Variants in RNF180 observed in about 807,000 individuals in gnomAD.
RNF180 encodes the protein ring finger protein 180.
RNF180 carries 38 observed loss-of-function variants against 59.2 expected under a neutral mutation model. That is an observed-to-expected ratio of 0.64 (90% confidence interval 0.50 to 0.84). RNF180 has a LOEUF of 0.84. RNF180 is among the 40% of genes least tolerant of loss of function. The pLI, the probability that RNF180 is intolerant of heterozygous loss-of-function variation, is 0.00. For missense variants in RNF180, 705 were observed against 700.9 expected, an observed-to-expected ratio of 1.01 and a Z score of -0.07; for synonymous variants, 262 against 240.3, an observed-to-expected ratio of 1.09 and a Z score of -0.84.
chr5:64,345,715 C>T (rs372787343), intron 7 of RNF180, among the ~76,000 whole-genome samples: 1 of 152,238 alleles, frequency 6.6e-6, no homozygotes, highest in East Asian at 1.9e-4. Flanking sequence ...ACATTATAAA[C>T]AATTTGCTGT....
intron 7 of RNF180, among the ~76,000 whole-genome samples, chr5:64,336,247 T>G (rs983065941): frequency 2.6e-5 from 4 of 152,330 alleles, no homozygotes; most frequent in Non-Finnish European, 4.4e-5. Context: ...ATTTTTAATT[T>G]GTGAAAATGG....
intron 7 of RNF180, among the ~76,000 whole-genome samples, chr5:64,367,376 T>C (rs1285594306): frequency 1.3e-5 from 2 of 151,612 alleles, no homozygotes; most frequent in Non-Finnish European, 3.0e-5. Context: ...ATATACTCCA[T>C]TAAAATGTAC....
At chr5:64,317,567 C>CATATATATAA in intron 5 of RNF180, among the ~76,000 whole-genome samples, 1 of 145,962 alleles carries the variant, frequency 6.9e-6, no homozygotes, top group African/African-American at 2.6e-5. Context: ...TATACACATA[C>CATATATATAA]ATATATATAC....
chr5:64,327,566 C>T (rs927127716), intron 6 of RNF180, among the ~76,000 whole-genome samples: 3 of 152,124 alleles, frequency 2.0e-5, no homozygotes, highest in Non-Finnish European at 4.4e-5. Context: ...TGTTCAATGT[C>T]CACATATTTG....
intron 5 of RNF180, among the ~76,000 whole-genome samples, chr5:64,311,732 G>A (rs150808951): frequency 1.1e-3 from 164 of 151,920 alleles, no homozygotes; most frequent in African/African-American, 3.7e-3. Context: ...CTTCAGTATC[G>A]ATTCCTACCA....
intron 5 of RNF180, among the ~76,000 whole-genome samples, chr5:64,234,078 C>G (rs1447520819): frequency 6.6e-6 from 1 of 152,218 alleles, no homozygotes; most frequent in Non-Finnish European, 1.5e-5. Context: ...GTGCAACATG[C>G]TTAATTCAGC....
In RNF180 at chr5:64,216,050, T is replaced by C. The variant is rs1410058409; in HGVS notation, c.1192-1311T>C. 2.0e-5 allele frequency among the ~76,000 whole-genome samples: 3 copies of C among 152,088 alleles called. No individual in the cohort carries two copies. In the East Asian group the frequency reaches 5.8e-4, roughly 29 times the overall value. ...TTCACATACATATGATATAGCTTAATTGATCAGAATTAATGAGTCTTAGAC... is the reference window on the plus strand; with the variant it reads ...TTCACATACATATGATATAGCTTAACTGATCAGAATTAATGAGTCTTAGAC... On this transcript the variant is annotated intron_variant, in intron 4 of 7. Coordinates refer to ENST00000389100, the MANE Select transcript of RNF180 (RefSeq NM_001113561.2).
At chr5:64,276,608 G>A (rs1201787635) in intron 5 of RNF180, among the ~76,000 whole-genome samples, 1 of 151,710 alleles carries the variant, frequency 6.6e-6, no homozygotes, top group African/African-American at 2.4e-5. Flanking sequence ...TTGTTATGGA[G>A]CCATGTTCTC....
intron 5 of RNF180, among the ~76,000 whole-genome samples, chr5:64,273,774 A>G (rs1337846635): frequency 5.9e-5 from 9 of 151,994 alleles, no homozygotes; most frequent in Non-Finnish European, 1.3e-4. Flanking sequence ...CACAAGACTA[A>G]GAAAATTTTA....
chr5:64,273,872 CAT>C (rs996692636), intron 5 of RNF180, among the ~76,000 whole-genome samples: 45 of 151,932 alleles, frequency 3.0e-4, no homozygotes, highest in African/African-American at 9.7e-4. Flanking sequence ...TCAAAAGAGT[CAT>C]ATCAGAGAGC....
At chr5:64,176,691 T>C (rs1173729672) in intron 1 of RNF180, among the ~76,000 whole-genome samples, 1 of 152,228 alleles carries the variant, frequency 6.6e-6, no homozygotes, top group Non-Finnish European at 1.5e-5. Context: ...ATTGTCCTTA[T>C]GTTTTATAAT....
At chr5:64,229,861 A>G (rs1157746585) in intron 5 of RNF180, among the ~76,000 whole-genome samples, 2 of 152,230 alleles carry the variant, frequency 1.3e-5, no homozygotes, top group African/African-American at 4.8e-5. Context: ...TGAGCCATTC[A>G]TATACATTGA....
At chr5:64,250,978 A>C (rs974145105) in intron 5 of RNF180, among the ~76,000 whole-genome samples, 4 of 152,214 alleles carry the variant, frequency 2.6e-5, no homozygotes, top group African/African-American at 9.6e-5. Flanking sequence ...TAGCAAACTG[A>C]AGTCAACATC....
chr5:64,169,335 A>G (rs916007207), intron 1 of RNF180, among the ~76,000 whole-genome samples: 6 of 152,234 alleles, frequency 3.9e-5, no homozygotes, highest in Admixed American at 2.0e-4. Context: ...CTCAGTTACT[A>G]TCATTCTGGG....
chr5:64,187,859 G>A (rs1235266377), intron 1 of RNF180, among the ~76,000 whole-genome samples: 1 of 152,166 alleles, frequency 6.6e-6, no homozygotes, highest in Non-Finnish European at 1.5e-5. Flanking sequence ...AATACTTTTT[G>A]TGTCCTAAGG....
At chr5:64,220,180 A>G (rs755410563) in intron 5 of RNF180, among the ~76,000 whole-genome samples, 40 of 151,922 alleles carry the variant, frequency 2.6e-4, no homozygotes, top group Non-Finnish European at 5.6e-4. Context: ...TTTAGGTTTC[A>G]ATTGTTTTTA....
intron 5 of RNF180, among the ~76,000 whole-genome samples, chr5:64,257,409 T>C (rs1014666354): frequency 2.0e-5 from 3 of 152,196 alleles, no homozygotes; most frequent in Admixed American, 6.6e-5. Context: ...GTTTTTAGCA[T>C]GAACGGCTGT....
intron 7 of RNF180, among the ~76,000 whole-genome samples, chr5:64,342,884 A>T (rs1257455420): frequency 1.3e-5 from 2 of 152,172 alleles, no homozygotes; most frequent in East Asian, 1.9e-4. Flanking sequence ...AGCAATAAAC[A>T]CAGCGTAGGT....
Position 64,205,792 on chromosome 5 carries a change from G to GA in RNF180, c.135+4859dup, listed in dbSNP as rs569074862. ...GAAAAAGAGAAGCTCTCACAAAGGA[G>GA]AAAAAAAAAGAGTGAAAAAAATAGA... On this transcript the variant is annotated intron_variant, in intron 2 of 7. Coordinates refer to ENST00000389100, the MANE Select transcript of RNF180 (RefSeq NM_001113561.2). 1.6e-4 allele frequency among the ~76,000 whole-genome samples: 24 copies of GA among 147,602 alleles called. No individual in the cohort carries two copies. In the South Asian group the frequency reaches 3.7e-3, roughly 22 times the overall value.
Sources: gnomAD v4.1 joint callset for allele counts (sites outside exome capture counted in the v4.1 genomes callset) on GRCh38, gnomAD v4.1.1 for gene constraint, MANE v1.5 for transcripts, NCBI Gene and HGNC (gene_info 2026-07-23, HGNC 2026-07-21) for gene names.